Variants in VPS13B observed in about 807,000 individuals in gnomAD.
The protein encoded by VPS13B is vacuolar protein sorting 13 homolog B.
In VPS13B, 285 loss-of-function variants were observed where a neutral mutation model predicts 426.4. That is an observed-to-expected ratio of 0.67 (90% CI 0.61 to 0.74). The LOEUF (loss-of-function observed/expected upper bound fraction) is 0.74. VPS13B is among the 30% of genes least tolerant of loss of function. VPS13B has a pLI of 0.00. For missense variants in VPS13B, 4,537 were observed against 4,782.6 expected (o/e 0.95, Z 1.51); for synonymous variants, 1,676 against 1,676.4 (o/e 1.00, Z 0.01).
intron 3 of VPS13B, among the ~76,000 whole-genome samples, chr8:99,077,771 C>T (rs1358694995): frequency 6.6e-6 from 1 of 151,908 alleles, no homozygotes; most frequent in Non-Finnish European, 1.5e-5. Context: ...TTGTATGGCT[C>T]TTGCAGGAGT....
intron 19 of VPS13B, among the ~76,000 whole-genome samples, chr8:99,336,472 A>G (rs902333553): frequency 6.6e-6 from 1 of 152,208 alleles, no homozygotes; most frequent in African/African-American, 2.4e-5. Context: ...TTCATGTCTA[A>G]AACACCAAAA....
intron 39 of VPS13B, among the ~76,000 whole-genome samples, chr8:99,739,604 G>A (rs1809579367): frequency 6.6e-6 from 1 of 152,176 alleles, no homozygotes; most frequent in South Asian, 2.1e-4. Context: ...CACACGGCCA[G>A]GTACTCCTCT....
At chr8:99,126,351 T>C (rs1175619402) in intron 8 of VPS13B, among the ~76,000 whole-genome samples, 1 of 152,188 alleles carries the variant, frequency 6.6e-6, no homozygotes, top group African/African-American at 2.4e-5. Flanking sequence ...TGAATATGTA[T>C]GTTCACTAGG....
intron 39 of VPS13B, among the ~76,000 whole-genome samples, chr8:99,747,113 C>T (rs1271741006): frequency 6.6e-6 from 1 of 152,068 alleles, no homozygotes; most frequent in Non-Finnish European, 1.5e-5. Flanking sequence ...AAGTCCTTTC[C>T]AGTCCTGTGA....
chr8:99,560,808 C>A (rs1352152145), intron 31 of VPS13B, among the ~76,000 whole-genome samples: 1 of 152,188 alleles, frequency 6.6e-6, no homozygotes, highest in Non-Finnish European at 1.5e-5. Context: ...CCTTCCTATT[C>A]CTTATCTTTA....
chr8:99,785,542 C>T (rs2130706327), intron 43 of VPS13B, among the ~76,000 whole-genome samples: 1 of 152,186 alleles, frequency 6.6e-6, no homozygotes, highest in Admixed American at 6.5e-5. Flanking sequence ...AAAATTTTTT[C>T]ACATGATATG....
At chr8:99,398,814 ATT>A (rs34134409) in intron 21 of VPS13B, among the ~76,000 whole-genome samples, 2,573 of 143,828 alleles carry the variant, frequency 0.018, 70 homozygotes, top group African/African-American at 0.06. Flanking sequence ...TGGGACAAGT[ATT>A]TTTTTTTTTT....
intron 19 of VPS13B, among the ~76,000 whole-genome samples, chr8:99,306,597 G>T (rs1820649872): frequency 6.6e-6 from 1 of 152,044 alleles, no homozygotes; most frequent in South Asian, 2.1e-4. Flanking sequence ...AGAGACTAAT[G>T]TTCATATTTA....
Position 99,850,882 on chromosome 8 carries a change from T to C in VPS13B, c.10061+1988T>C, listed in dbSNP as rs112889797. On this transcript the variant is annotated intron_variant, in intron 55 of 61. Transcript: ENST00000357162. ...CGGAGGTTGTAGTGAGCCAAGATCA[T>C]GCCACTGCACTCCAGCCTGGGCGAC... Among the ~76,000 whole-genome samples, 528 of 152,236 alleles carry C rather than the reference T, an allele frequency of 3.5e-3. 4 individuals carry two copies. The highest frequency in any genetic ancestry group is 0.012 in the African/African-American group (489 of 41,546).
In VPS13B at chr8:99,854,133, A is replaced by G. The variant is rs145547375; in HGVS notation, c.10744A>G (p.Ile3582Val). ...VSIHASLKLYIASDHTPLSFS... is the reference protein window; with the variant it reads ...VSIHASLKLYVASDHTPLSFS... ...CATCCACGCTTCCCTCAAGCTGTAC[A>G]TAGCCTCAGACCACACTCCTCTCTC... is the stretch of plus-strand genomic sequence containing the variant. Residue 3582 changes from isoleucine to valine, a missense_variant, in exon 56 of 62, where the codon ATA becomes GTA. Ile to Val is a conservative substitution (Grantham distance 29, BLOSUM62 3). Around this residue, in one of 2 missense-constraint regions of VPS13B, gnomAD observed 4,311 missense variants for 4,474.3 expected, o/e 0.96. Transcript: ENST00000357162. 3.6e-4 allele frequency: 586 copies of G among 1,613,554 alleles called. 1 individual carries two copies. The African/African-American group carries it at 6.6e-3, about 18-fold the overall frequency.
chr8:99,323,666 A>G (rs1810098643), intron 19 of VPS13B, among the ~76,000 whole-genome samples: 1 of 152,264 alleles, frequency 6.6e-6, no homozygotes, highest in Non-Finnish European at 1.5e-5. Flanking sequence ...CAACTTAGAT[A>G]GGCTATTATC....
chr8:99,726,907 T>C (rs925446206), intron 39 of VPS13B, among the ~76,000 whole-genome samples: 1 of 152,224 alleles, frequency 6.6e-6, no homozygotes. Flanking sequence ...GCATAAACTT[T>C]CTAAGACACA....
At chr8:99,473,156 G>A (rs1724651789) in intron 24 of VPS13B, among the ~76,000 whole-genome samples, 2 of 151,932 alleles carry the variant, frequency 1.3e-5, no homozygotes, top group Admixed American at 6.6e-5. Context: ...CTGGTTTTAT[G>A]AAGCTAGCAT....
intron 30 of VPS13B, among the ~76,000 whole-genome samples, chr8:99,521,675 A>G (rs1050197017): frequency 1.3e-5 from 2 of 152,358 alleles, no homozygotes; most frequent in South Asian, 4.1e-4. Context: ...GAGAAAAGTC[A>G]CAGAAATACA....
chr8:99,749,148 A>T (rs1261815512), intron 39 of VPS13B, among the ~76,000 whole-genome samples: 1 of 152,054 alleles, frequency 6.6e-6, no homozygotes, highest in Non-Finnish European at 1.5e-5. Context: ...TAAATGAGAT[A>T]TTTTGATACA....
chr8:99,231,150 A>G (rs75225943), intron 17 of VPS13B, among the ~76,000 whole-genome samples: 65 of 152,364 alleles, frequency 4.3e-4, no homozygotes, highest in African/African-American at 1.4e-3. Context: ...CCAGAGTAAA[A>G]TACTATAATT....
At chr8:99,549,879 A>T (rs1264207971) in intron 30 of VPS13B, among the ~76,000 whole-genome samples, 1 of 152,106 alleles carries the variant, frequency 6.6e-6, no homozygotes, top group African/African-American at 2.4e-5. Context: ...ATGAAATGAG[A>T]TAACTGGGCT....
At chr8:99,646,612 A>G (rs934839223) in intron 34 of VPS13B, among the ~76,000 whole-genome samples, 1 of 152,134 alleles carries the variant, frequency 6.6e-6, no homozygotes, top group East Asian at 1.9e-4. Context: ...TGATTGTATG[A>G]TTTGGTTTGG....
intron 2 of VPS13B, among the ~76,000 whole-genome samples, chr8:99,020,642 T>G (rs887536533): frequency 7.2e-5 from 11 of 152,190 alleles, no homozygotes; most frequent in African/African-American, 2.7e-4. Context: ...TTGCAACCTT[T>G]CTCTCTTTTT....
Sources: allele counts gnomAD v4.1 joint callset (sites outside exome capture counted in the v4.1 genomes callset), GRCh38; gene constraint gnomAD v4.1.1; regional missense constraint gnomAD v4.1.1; transcripts MANE v1.5; gene names NCBI Gene and HGNC (gene_info 2026-07-23, HGNC 2026-07-21).